PLCB4: variants seen among roughly 807,000 people sequenced by gnomAD.
PLCB4 encodes the protein phospholipase C beta 4.
Under a neutral mutation model 178.8 loss-of-function variants are expected in PLCB4, and 77 were observed. That is an observed-to-expected ratio of 0.43 (90% CI 0.36 to 0.52). The LOEUF is 0.52. Among genes scored for constraint, PLCB4 ranks in the 20% least tolerant of loss-of-function variants. The pLI is 0.00. For missense variants in PLCB4, 1,024 were observed against 1,453.4 expected (o/e 0.70, Z 4.80); for synonymous variants, 496 against 490.8 (o/e 1.01, Z -0.14).
intron 2 of PLCB4, among the ~76,000 whole-genome samples, chr20:9,214,960 C>T (rs2093713198): frequency 6.6e-6 from 1 of 152,114 alleles, no homozygotes; most frequent in Non-Finnish European, 1.5e-5. Context: ...AAACATGTGT[C>T]CAGTCTCTAA....
At chr20:9,245,925 C>A (rs2094120723) in intron 3 of PLCB4, among the ~76,000 whole-genome samples, 1 of 152,094 alleles carries the variant, frequency 6.6e-6, no homozygotes, top group Admixed American at 6.6e-5. Flanking sequence ...AGCCACAGCA[C>A]ACGGCCAATA....
intron 2 of PLCB4, among the ~76,000 whole-genome samples, chr20:9,136,885 G>A (rs2092395115): frequency 6.6e-6 from 1 of 152,064 alleles, no homozygotes; most frequent in Admixed American, 6.6e-5. Flanking sequence ...CTGAGGCTGG[G>A]CATTAATTGC....
chr20:9,406,267 T>A (rs1474833862), intron 21 of PLCB4, among the ~76,000 whole-genome samples: 2 of 152,156 alleles, frequency 1.3e-5, no homozygotes, highest in Admixed American at 1.3e-4. Flanking sequence ...GGTGCTCAGC[T>A]CATAGCACTG....
At chr20:9,422,591 T>C (rs2040719067) in intron 27 of PLCB4, among the ~76,000 whole-genome samples, 1 of 152,144 alleles carries the variant, frequency 6.6e-6, no homozygotes, top group Non-Finnish European at 1.5e-5. Context: ...TTGTTTTGGA[T>C]GAATGAGAAA....
chr20:9,435,938 A>T (rs749044246), intron 29 of PLCB4, among the ~76,000 whole-genome samples: 24 of 152,232 alleles, frequency 1.6e-4, no homozygotes, highest in Non-Finnish European at 2.9e-4. Context: ...GGGAAAGTTT[A>T]AAATGTAGGT....
At chr20:9,089,064 T>G (rs2090563548) in intron 1 of PLCB4, among the ~76,000 whole-genome samples, 1 of 151,886 alleles carries the variant, frequency 6.6e-6, no homozygotes, top group Non-Finnish European at 1.5e-5. Context: ...AAACAGGTAA[T>G]TTCCCCTAAT....
chr20:9,432,436 T>C (rs535208325), intron 28 of PLCB4, among the ~76,000 whole-genome samples: 252 of 152,348 alleles, frequency 1.7e-3, no homozygotes, highest in Non-Finnish European at 3.0e-3. Context: ...ATTTGTTTCC[T>C]AACCACCCAG....
intron 3 of PLCB4, among the ~76,000 whole-genome samples, chr20:9,296,314 A>G (rs1336199697): frequency 2.0e-5 from 3 of 152,226 alleles, no homozygotes; most frequent in East Asian, 1.9e-4. Flanking sequence ...TTGAGATACC[A>G]TCTCACACCA....
At chr20:9,404,793 T>G (rs1027048145) in intron 20 of PLCB4, among the ~76,000 whole-genome samples, 1 of 152,140 alleles carries the variant, frequency 6.6e-6, no homozygotes, top group Non-Finnish European at 1.5e-5. Flanking sequence ...GGGGGCCTTC[T>G]TCGTGTTTAT....
intron 3 of PLCB4, among the ~76,000 whole-genome samples, chr20:9,293,269 A>C (rs1403931418): frequency 1.3e-5 from 2 of 149,042 alleles, no homozygotes; most frequent in East Asian, 2.0e-4. Flanking sequence ...AAGGGAAGGA[A>C]AGGGAAGGGA....
chr20:9,339,910 G>T (rs184880640), intron 7 of PLCB4, among the ~76,000 whole-genome samples: 103 of 152,264 alleles, frequency 6.8e-4, no homozygotes, highest in African/African-American at 2.4e-3. Context: ...TAAATATTTT[G>T]TCTGCTAATC....
intron 28 of PLCB4, among the ~76,000 whole-genome samples, chr20:9,425,867 A>T (rs1018703385): frequency 1.2e-4 from 18 of 152,240 alleles, no homozygotes; most frequent in Admixed American, 6.5e-5. Context: ...CAGAAGAAGA[A>T]TATGAGAACT....
intron 3 of PLCB4, among the ~76,000 whole-genome samples, chr20:9,242,879 T>G (rs1304430318): frequency 6.6e-6 from 1 of 152,152 alleles, no homozygotes; most frequent in Non-Finnish European, 1.5e-5. Context: ...CCAGGTGATG[T>G]TGATGCGTGC....
At position 9,384,386 on chromosome 20, in the gene PLCB4, A is replaced by C; in HGVS notation, c.1039A>C (p.Arg347=). The change falls in exon 14 of 40, where the codon AGA becomes CGA. Residue 347 remains arginine (R), a synonymous_variant. Transcript: ENST00000378473. Reference sequence around the variant, plus strand: ...CGGGAAGTCTTCGGTAGAAATGTACAGACAGGTTCTCCTGGCTGGTTGCAG... The same window carrying C: ...CGGGAAGTCTTCGGTAGAAATGTACCGACAGGTTCTCCTGGCTGGTTGCAG... The part of the protein sequence containing the change: ...FGGKSSVEMY[R]QVLLAGCRCV... 6.2e-7 allele frequency: 1 copy of C among 1,614,172 alleles called. No individual in the cohort carries two copies. Among genetic ancestry groups the C allele is most frequent in the Non-Finnish European group, 8.5e-7 (1 of 1,179,988 alleles).
chr20:9,468,240 C>T (rs982036480), intron 35 of PLCB4, among the ~76,000 whole-genome samples: 6 of 151,808 alleles, frequency 4.0e-5, no homozygotes, highest in Admixed American at 1.3e-4. Flanking sequence ...CTTGGGGTCC[C>T]GTCCCTCCTT....
chr20:9,473,194 A>G, intron 37 of PLCB4, 85 bp from the exon 38 acceptor site: 2 of 766,056 alleles, frequency 2.6e-6, no homozygotes, highest in Non-Finnish European at 4.1e-6. Flanking sequence ...CACTTAAATT[A>G]TAAAGTTACA....
intron 2 of PLCB4, among the ~76,000 whole-genome samples, chr20:9,130,674 C>T (rs575528925): frequency 1.3e-5 from 2 of 152,286 alleles, no homozygotes; most frequent in South Asian, 4.2e-4. Flanking sequence ...ACAAACTTAT[C>T]TGATTTCATA....
chr20:9,408,422 T>C (rs969044549), intron 22 of PLCB4, among the ~76,000 whole-genome samples: 1 of 152,076 alleles, frequency 6.6e-6, no homozygotes, highest in Non-Finnish European at 1.5e-5. Flanking sequence ...TAATCATCAT[T>C]ATCATCAAAA....
intron 9 of PLCB4, among the ~76,000 whole-genome samples, chr20:9,370,432 G>T (rs1465942043): frequency 2.0e-5 from 3 of 152,116 alleles, no homozygotes; most frequent in Non-Finnish European, 4.4e-5. Flanking sequence ...GTTAAGTGTG[G>T]GAACCAGGAT....
Sources: allele counts gnomAD v4.1 joint callset (sites outside exome capture counted in the v4.1 genomes callset), GRCh38; gene constraint gnomAD v4.1.1; transcripts MANE v1.5; gene names NCBI Gene and HGNC (gene_info 2026-07-23, HGNC 2026-07-21).